Variants in TRNAU1AP observed in about 807,000 individuals in gnomAD.
The protein encoded by TRNAU1AP is tRNA selenocysteine 1-associated protein 1.
Under a neutral mutation model 43.3 loss-of-function variants are expected in TRNAU1AP, and 33 were observed. The ratio of observed to expected loss-of-function variants is 0.76; its 90% CI spans 0.58 to 1.02. The LOEUF (loss-of-function observed/expected upper bound fraction) is 1.02. TRNAU1AP is among the 50% of genes least tolerant of loss of function. The pLI is 0.00. For synonymous variants in TRNAU1AP, 143 were observed against 129.1 expected (o/e 1.11, Z -0.73); for missense variants, 290 against 362.7 (o/e 0.80, Z 1.63).
intron 8 of TRNAU1AP, among the ~76,000 whole-genome samples, chr1:28,573,879 G>A (rs1277597916): frequency 6.6e-6 from 1 of 152,018 alleles, no homozygotes; most frequent in East Asian, 1.9e-4. Flanking sequence ...GGAGGTTTCG[G>A]TGAGCCAAGA....
At chr1:28,568,355 C>T (rs1209500478) in intron 6 of TRNAU1AP, among the ~76,000 whole-genome samples, 1 of 152,134 alleles carries the variant, frequency 6.6e-6, no homozygotes, top group East Asian at 1.9e-4. Flanking sequence ...TGTCTCACTG[C>T]AGCCTCGACC....
intron 8 of TRNAU1AP, among the ~76,000 whole-genome samples, chr1:28,577,085 C>T (rs1570262605): frequency 6.6e-6 from 1 of 152,158 alleles, no homozygotes; most frequent in Admixed American, 6.6e-5. Flanking sequence ...TACACACACA[C>T]ATACATACAT....
At chr1:28,561,457 A>T (rs1340962618) in intron 4 of TRNAU1AP, 59 bp downstream of exon 4, 1 of 1,596,580 alleles carries the variant, frequency 6.3e-7, no homozygotes, top group Non-Finnish European at 8.6e-7. Flanking sequence ...TGTCACTGCC[A>T]TATAGGAGGA....
intron 8 of TRNAU1AP, among the ~76,000 whole-genome samples, chr1:28,574,335 G>T (rs1482297700): frequency 3.3e-5 from 5 of 151,866 alleles, no homozygotes; most frequent in African/African-American, 7.3e-5. Flanking sequence ...TAATCCTCCC[G>T]CCTCAGCCTC....
At chr1:28,560,296 T>A (rs77338668) in intron 2 of TRNAU1AP, among the ~76,000 whole-genome samples, 46 of 150,646 alleles carry the variant, frequency 3.1e-4, no homozygotes, top group South Asian at 1.9e-3. Context: ...TTTTTTTTTT[T>A]AAAACAGTCT....
chr1:28,573,766 C>T (rs1334467879), intron 8 of TRNAU1AP, among the ~76,000 whole-genome samples: 3 of 149,822 alleles, frequency 2.0e-5, no homozygotes, highest in Non-Finnish European at 4.4e-5. Context: ...GTGCAAGACT[C>T]TGTCTCAAAA....
At chr1:28,571,959 C>T in intron 8 of TRNAU1AP, 59 bp downstream of exon 8, 1 of 1,435,398 alleles carries the variant, frequency 7.0e-7, no homozygotes, top group South Asian at 1.1e-5. Context: ...CTGTGGCTGG[C>T]ACTGTGCTCT....
Position 28,553,115 on chromosome 1 carries a change from C to T in TRNAU1AP, c.5C>T (p.Ala2Val), listed in dbSNP as rs769860246. M[A>V]ASLWMGDLEP... ...GCCCCACCCCGGTGCGCGGGTATGG[C>T]GGCCAGCCTGTGGATGGGCGACGTG... The change falls in exon 1 of 9, where the codon GCG becomes GTG. Residue 2 changes from alanine to valine, a missense_variant. This residue lies in a region of TRNAU1AP where 59 missense variants were observed against 45.5 expected (regional missense o/e 1.30). Coordinates refer to ENST00000373830, the MANE Select transcript of TRNAU1AP (RefSeq NM_017846.5). 9.5e-5 allele frequency: 144 copies of T among 1,520,970 alleles called. No individual in the cohort carries two copies. Among genetic ancestry groups the T allele is most frequent in the Non-Finnish European group, 1.2e-4 (139 of 1,132,442 alleles). The allele number at this position is 1,520,970 out of a possible 1,614,324, so 94.2% of individuals were successfully genotyped here.
intron 8 of TRNAU1AP, 49 bp downstream of exon 8, chr1:28,571,949 C>T: frequency 6.7e-7 from 1 of 1,498,140 alleles, no homozygotes. Flanking sequence ...CAGGTGACTG[C>T]TGTGGCTGGC....
At chr1:28,572,335 G>A (rs1405592625) in intron 8 of TRNAU1AP, among the ~76,000 whole-genome samples, 2 of 151,478 alleles carry the variant, frequency 1.3e-5, no homozygotes, top group Non-Finnish European at 2.9e-5. Context: ...CTGGGATTAC[G>A]GGCATGCACC....
chr1:28,573,162 G>A (rs1665698856), intron 8 of TRNAU1AP, among the ~76,000 whole-genome samples: 1 of 148,460 alleles, frequency 6.7e-6, no homozygotes, highest in African/African-American at 2.5e-5. Flanking sequence ...GCCTCCCGAA[G>A]AGCTGGGATT....
intron 2 of TRNAU1AP, among the ~76,000 whole-genome samples, chr1:28,557,836 C>T (rs1665304359): frequency 1.3e-5 from 2 of 152,044 alleles, no homozygotes; most frequent in Admixed American, 6.6e-5. Flanking sequence ...ATCCACCCAC[C>T]TTGGCCTCCC....
At chr1:28,577,357 G>A in intron 8 of TRNAU1AP, 143 bp from the exon 9 acceptor site, 1 of 852,962 alleles carries the variant, frequency 1.2e-6, no homozygotes, top group Non-Finnish European at 1.8e-6. Flanking sequence ...CCAGAACCCT[G>A]CAAGGCAGTG....
intron 6 of TRNAU1AP, among the ~76,000 whole-genome samples, chr1:28,570,186 C>T (rs1026949454): frequency 6.6e-6 from 1 of 152,034 alleles, no homozygotes; most frequent in South Asian, 2.1e-4. Flanking sequence ...CAGGATCAAG[C>T]GATTCTCCTT....
chr1:28,571,764 C>T (rs1665665965), intron 7 of TRNAU1AP, 103 bp from the exon 8 acceptor site: 1 of 798,220 alleles, frequency 1.3e-6, no homozygotes, highest in Admixed American at 2.2e-5. Context: ...GTCTGGGTGA[C>T]AGAGCTAGAC....
intron 2 of TRNAU1AP, among the ~76,000 whole-genome samples, chr1:28,557,091 G>A (rs1239179857): frequency 1.3e-5 from 2 of 151,746 alleles, no homozygotes; most frequent in Non-Finnish European, 2.9e-5. Flanking sequence ...TGGATTACAG[G>A]CATGAGCCAC....
At chr1:28,566,471 G>A (rs538321392) in intron 5 of TRNAU1AP, among the ~76,000 whole-genome samples, 11 of 151,588 alleles carry the variant, frequency 7.3e-5, no homozygotes, top group African/African-American at 2.7e-4. Flanking sequence ...AAAAAATACA[G>A]GCCAGGCGTG....
intron 2 of TRNAU1AP, among the ~76,000 whole-genome samples, chr1:28,559,568 G>T (rs1665358987): frequency 6.6e-6 from 1 of 151,890 alleles, no homozygotes; most frequent in Non-Finnish European, 1.5e-5. Flanking sequence ...GTGGAGGCAG[G>T]AGAATCGCTT....
intron 4 of TRNAU1AP, among the ~76,000 whole-genome samples, chr1:28,563,815 G>T (rs1665474219): frequency 6.6e-6 from 1 of 151,952 alleles, no homozygotes; most frequent in African/African-American, 2.4e-5. Flanking sequence ...TCACGCCACT[G>T]CACTCCAGCC....
Sources: gnomAD v4.1 joint callset for allele counts (sites outside exome capture counted in the v4.1 genomes callset) on GRCh38, gnomAD v4.1.1 for gene constraint, gnomAD v4.1.1 regional missense constraint, MANE v1.5 for transcripts, NCBI Gene and HGNC (gene_info 2026-07-23, HGNC 2026-07-21) for gene names.